The following MYO1E variants were observed in gnomAD, a reference collection of about 807,000 sequenced individuals.
MYO1E encodes the protein unconventional myosin-Ie.
MYO1E carries 68 observed loss-of-function variants against 151.1 expected under a neutral mutation model. The ratio of observed to expected loss-of-function variants is 0.45; its 90% CI spans 0.37 to 0.55. MYO1E has a LOEUF of 0.55. Among genes scored for constraint, MYO1E ranks in the 20% least tolerant of loss-of-function variants. MYO1E has a pLI of 0.00. For missense variants in MYO1E, 1,363 were observed against 1,389.3 expected, an observed-to-expected ratio of 0.98 and a Z score of 0.30; for synonymous variants, 601 against 501.7, an observed-to-expected ratio of 1.20 and a Z score of -2.64.
At chr15:59,222,639 C>T (rs2079962915) in intron 9 of MYO1E, among the ~76,000 whole-genome samples, 1 of 152,160 alleles carries the variant, frequency 6.6e-6, no homozygotes, top group South Asian at 2.1e-4. Flanking sequence ...TATTATATTG[C>T]TTGCTCTTTA....
At chr15:59,277,011 A>G (rs2080323129) in intron 1 of MYO1E, among the ~76,000 whole-genome samples, 2 of 152,184 alleles carry the variant, frequency 1.3e-5, no homozygotes, top group Admixed American at 6.5e-5. Context: ...TTACCCATAT[A>G]CTTGGTAACC....
intron 1 of MYO1E, among the ~76,000 whole-genome samples, chr15:59,313,275 C>G (rs967096630): frequency 2.0e-5 from 3 of 152,220 alleles, no homozygotes; most frequent in Middle Eastern, 3.4e-3. Context: ...CATATGTATC[C>G]CCCAACACAC....
intron 10 of MYO1E, 118 bp from the exon 11 acceptor site, chr15:59,214,838 G>A: frequency 1.2e-6 from 1 of 815,610 alleles, no homozygotes; most frequent in South Asian, 1.4e-5. Context: ...GCAGGAAACA[G>A]AGGACAAGTG....
chr15:59,281,276 C>CTTTT (rs1462934359), intron 1 of MYO1E, among the ~76,000 whole-genome samples: 23 of 148,590 alleles, frequency 1.5e-4, no homozygotes, highest in African/African-American at 5.8e-4. Context: ...TTTTTCTTTT[C>CTTTT]TTTCTTTTTT....
intron 14 of MYO1E, 32 bp downstream of exon 14, chr15:59,208,649 C>T (rs2079856634): frequency 1.2e-6 from 2 of 1,613,508 alleles, no homozygotes; most frequent in South Asian, 2.2e-5. Context: ...AGGCTTAAAA[C>T]AGATAGACAT....
At chr15:59,184,609 C>A (rs1458029999) in intron 18 of MYO1E, among the ~76,000 whole-genome samples, 1 of 152,124 alleles carries the variant, frequency 6.6e-6, no homozygotes, top group Non-Finnish European at 1.5e-5. Context: ...GATCTGCCTA[C>A]CTTGACCTCC....
chr15:59,259,705 T>C (rs2080214381), intron 3 of MYO1E, among the ~76,000 whole-genome samples: 1 of 152,262 alleles, frequency 6.6e-6, no homozygotes, highest in South Asian at 2.1e-4. Context: ...GCTGCTGAAC[T>C]GTCATACTTG....
At chr15:59,329,760 C>G (rs2080687367) in intron 1 of MYO1E, among the ~76,000 whole-genome samples, 1 of 152,238 alleles carries the variant, frequency 6.6e-6, no homozygotes, top group Admixed American at 6.5e-5. Flanking sequence ...CAGCTATTCT[C>G]ACTTCCCAGA....
intron 24 of MYO1E, among the ~76,000 whole-genome samples, chr15:59,160,338 T>C (rs12898768): frequency 0.022 from 568 of 25,956 alleles, no homozygotes; most frequent in Non-Finnish European, 0.044. Flanking sequence ...AGGTAGTGCG[T>C]GTGTGTGTGT....
At chr15:59,329,054 C>G (rs1369766461) in intron 1 of MYO1E, among the ~76,000 whole-genome samples, 2 of 152,080 alleles carry the variant, frequency 1.3e-5, no homozygotes, top group African/African-American at 4.8e-5. Context: ...ACGGAGGACT[C>G]AAAATGGGTA....
intron 1 of MYO1E, among the ~76,000 whole-genome samples, chr15:59,315,609 T>C (rs1160315033): frequency 6.6e-6 from 1 of 152,026 alleles, no homozygotes; most frequent in Non-Finnish European, 1.5e-5. Context: ...GGTAAGTTAC[T>C]TAACCTCTCT....
rs1371410791 is a variant in MYO1E, at chr15:59,364,347, T to C, written c.3+8151A>G. Among the ~76,000 whole-genome samples the C allele has an allele frequency of 9.9e-5, 15 of 152,160 alleles. No homozygotes were observed. In the South Asian group the frequency reaches 3.1e-3, roughly 32 times the overall value. On this transcript the variant is annotated intron_variant, in intron 1 of 27. Coordinates refer to ENST00000288235, the MANE Select transcript of MYO1E (RefSeq NM_004998.4). ...TCCCAAGCTCACCCAAAGAGGGGGC[T>C]TCTTATCTCAGGAGCCAAAGATTAA...
At chr15:59,318,289 T>C (rs539018479) in intron 1 of MYO1E, among the ~76,000 whole-genome samples, 1 of 152,308 alleles carries the variant, frequency 6.6e-6, no homozygotes, top group African/African-American at 2.4e-5. Context: ...TTCCTAGTGC[T>C]GGAACTAAGT....
chr15:59,204,169 G>C (rs1406412578), intron 15 of MYO1E, among the ~76,000 whole-genome samples: 1 of 152,190 alleles, frequency 6.6e-6, no homozygotes, highest in Non-Finnish European at 1.5e-5. Context: ...ACATCTCAGA[G>C]AAGAACAAAT....
chr15:59,282,188 T>C (rs1330600304), intron 1 of MYO1E, among the ~76,000 whole-genome samples: 1 of 152,234 alleles, frequency 6.6e-6, no homozygotes, highest in Non-Finnish European at 1.5e-5. Context: ...AAATCTCACA[T>C]GGTAAGACCA....
At chr15:59,320,077 T>C (rs750952366) in intron 1 of MYO1E, among the ~76,000 whole-genome samples, 1 of 151,946 alleles carries the variant, frequency 6.6e-6, no homozygotes, top group South Asian at 2.1e-4. Context: ...CCATTGACAA[T>C]AGCAAAAAAA....
rs775309857 is a variant in MYO1E at position 59,265,792 on chromosome 15, T to TTAAA, written c.148-4284_148-4283insTTTA. Among the ~76,000 whole-genome samples, 63 of 106,308 alleles carry TTAAA rather than the reference T, an allele frequency of 5.9e-4. 1 individual carries two copies. The highest frequency in any genetic ancestry group is 2.2e-3 in the African/African-American group (61 of 27,588). 69.7% of individuals were successfully genotyped at this position (106,308 alleles called of 152,430 possible). A position where few individuals can be genotyped will look rare whatever the true frequency, so the allele number is the denominator to read the frequency against. On this transcript the variant is annotated intron_variant, in intron 2 of 27. Transcript: ENST00000288235. The stretch of plus-strand genomic sequence containing the variant: ...GCAATATACTGAGACCCCATCTCCT[T>TTAAA]AAAAAAAAAAAAAAAAAAAAAAAAA...
At chr15:59,226,647 A>C (rs1284982633) in intron 7 of MYO1E, among the ~76,000 whole-genome samples, 3 of 152,104 alleles carry the variant, frequency 2.0e-5, no homozygotes, top group Non-Finnish European at 4.4e-5. Flanking sequence ...CCTCTACGAA[A>C]AATACAAAAA....
chr15:59,212,917 C>G (rs760515806), intron 12 of MYO1E: 3 of 151,884 alleles, frequency 2.0e-5, no homozygotes, highest in Non-Finnish European at 4.4e-5. Flanking sequence ...CCAGGAGCCA[C>G]CAGAAACTAG....
Sources: gnomAD v4.1 joint callset for allele counts (sites outside exome capture counted in the v4.1 genomes callset) on GRCh38, gnomAD v4.1.1 for gene constraint, MANE v1.5 for transcripts, NCBI Gene and HGNC (gene_info 2026-07-23, HGNC 2026-07-21) for gene names.